The following PCDHA5 variants were observed in gnomAD, a reference collection of about 807,000 sequenced individuals.
The protein encoded by PCDHA5 is protocadherin alpha-5.
Under a neutral mutation model 61.6 loss-of-function variants are expected in PCDHA5, and 43 were observed. The ratio of observed to expected loss-of-function variants is 0.70; its 90% confidence interval spans 0.55 to 0.90. The LOEUF (loss-of-function observed/expected upper bound fraction) is 0.90. PCDHA5 is among the 40% of genes least tolerant of loss of function. PCDHA5 has a pLI of 0.00. For missense variants in PCDHA5, 1,298 were observed against 1,222.7 expected, an observed-to-expected ratio of 1.06 and a Z score of -0.92; for synonymous variants, 627 against 543.9, an observed-to-expected ratio of 1.15 and a Z score of -2.13.
At chr5:140,959,883 C>T (rs535578218) in intron 1 of PCDHA5, among the ~76,000 whole-genome samples, 4 of 152,222 alleles carry the variant, frequency 2.6e-5, no homozygotes, top group South Asian at 2.1e-4. Flanking sequence ...AAGGAATACA[C>T]GAGTGGGATT....
chr5:140,857,737 G>C (rs782448076), intron 1 of PCDHA5: 4 of 1,597,412 alleles, frequency 2.5e-6, no homozygotes, highest in Middle Eastern at 1.8e-4. Context: ...ACGCTCCCGC[G>C]CTGCTGGCGT....
At chr5:140,870,073 A>T in intron 1 of PCDHA5, 1 of 1,613,872 alleles carries the variant, frequency 6.2e-7, no homozygotes, top group Non-Finnish European at 8.5e-7. Context: ...GGCTACAGAT[A>T]AGGGGACTCC....
In PCDHA5 at chr5:140,834,331, T is replaced by C. The variant is rs2150215321; in HGVS notation, c.2352+10204T>C. ...TGAAATGAAGGGATAAAAACATTCC[T>C]ATAAATTCGAAGGCAAGTTTTGCTG... On this transcript the variant is annotated intron_variant, in intron 1 of 3. Coordinates refer to ENST00000529859, the MANE Select transcript of PCDHA5 (RefSeq NM_018908.3). 119 of 1,480,242 alleles carry C rather than the reference T, an allele frequency of 8.0e-5. No individual in the cohort carries two copies. In the African/African-American group the frequency reaches 9.8e-4, roughly 12 times the overall value. The allele number at this position is 1,480,242 out of a possible 1,614,324, so 91.7% of individuals were successfully genotyped here. A position where few individuals can be genotyped will look rare whatever the true frequency, so the allele number is the denominator to read the frequency against.
chr5:141,000,314 A>T (rs2097900305), intron 3 of PCDHA5, among the ~76,000 whole-genome samples: 1 of 145,492 alleles, frequency 6.9e-6, no homozygotes, highest in East Asian at 2.0e-4. Context: ...GTTCAAGACC[A>T]GCTTGGGCAA....
intron 1 of PCDHA5, among the ~76,000 whole-genome samples, chr5:140,841,023 C>T (rs1331109795): frequency 6.6e-6 from 1 of 152,000 alleles, no homozygotes; most frequent in Admixed American, 6.6e-5. Flanking sequence ...ATGAATGCCT[C>T]TGCAATTGAT....
chr5:140,848,732 G>T lies in PCDHA5; in HGVS notation c.2352+24605G>T, dbSNP rs1554142393. 5.7e-6 allele frequency: 9 copies of T among 1,592,756 alleles called. 1 individual carries two copies. The highest frequency in any genetic ancestry group is 7.7e-6 in the Non-Finnish European group (9 of 1,163,596). ...GCGGGGACCTTCTGGAGGTAAATCT[G>T]CAGAATGGCATTTTGTTTGTGAATT... On this transcript the variant is annotated intron_variant, in intron 1 of 3. Transcript: ENST00000529859.
At chr5:140,870,630 G>A (rs2052239024) in intron 1 of PCDHA5, 15 of 1,613,008 alleles carry the variant, frequency 9.3e-6, no homozygotes, top group Non-Finnish European at 1.3e-5. Context: ...ACGTGTCGGT[G>A]CACGCGGAGA....
chr5:140,877,704 C>G, intron 1 of PCDHA5: 2 of 1,613,952 alleles, frequency 1.2e-6, no homozygotes, highest in South Asian at 1.1e-5. Context: ...GCTCCAGCGC[C>G]GTGGGGAGTT....
At position 140,968,542 on chromosome 5, in the gene PCDHA5, G is replaced by A. The variant is rs782474856; in HGVS notation, c.2353-10407G>A. On this transcript the variant is annotated intron_variant, in intron 1 of 3. Transcript: ENST00000529859. ...CAACCAACTCGTCAGCAGCCTTCGA[G>A]ATGGTGCCTCGAACTGCCCCTGCTG... is the stretch of plus-strand genomic sequence containing the variant. The A allele has an allele frequency of 1.1e-5, 18 of 1,614,204 alleles. 2 individuals are homozygous for A. In the South Asian group the frequency reaches 2.0e-4, roughly 18 times the overall value.
rs782766953 is a variant in PCDHA5 at position 140,875,544 on chromosome 5, G to C, written c.2352+51417G>C. On this transcript the variant is annotated intron_variant, in intron 1 of 3. Coordinates refer to ENST00000529859, the MANE Select transcript of PCDHA5 (RefSeq NM_018908.3). ...TCTCGCTTCTGCTCCTTGCAGCCTG[G>C]GAGGTGGGGAGCGGCCAGCTCCACT... 9.0e-5 allele frequency: 146 copies of C among 1,614,052 alleles called. No homozygotes were observed. The East Asian group carries it at 3.2e-3, about 36-fold the overall frequency.
intron 1 of PCDHA5, chr5:140,967,505 G>C (rs782818141): frequency 2.4e-5 from 39 of 1,612,940 alleles, no homozygotes; most frequent in Non-Finnish European, 3.2e-5. Context: ...CTCTGTGCGT[G>C]TCCTGGACAC....
At chr5:140,945,628 A>G (rs898111170) in intron 1 of PCDHA5, among the ~76,000 whole-genome samples, 1 of 152,168 alleles carries the variant, frequency 6.6e-6, no homozygotes, top group Non-Finnish European at 1.5e-5. Flanking sequence ...TACTGGCATA[A>G]AAGACATGTA....
chr5:140,828,591 T>G, intron 1 of PCDHA5: 1 of 1,614,220 alleles, frequency 6.2e-7, no homozygotes, highest in Non-Finnish European at 8.5e-7. Flanking sequence ...TCAAATTCCA[T>G]CTTAACCTAT....
chr5:140,944,209 A>T (rs1003348568), intron 1 of PCDHA5, among the ~76,000 whole-genome samples: 5 of 152,298 alleles, frequency 3.3e-5, no homozygotes, highest in Non-Finnish European at 5.9e-5. Flanking sequence ...TTGTTTTTAA[A>T]GAGGGTTTTA....
At chr5:140,884,456 G>T in intron 1 of PCDHA5, 2 of 1,613,768 alleles carry the variant, frequency 1.2e-6, no homozygotes, top group Non-Finnish European at 1.7e-6. Context: ...GCCCACCGAG[G>T]GCGCGTGCGC....
At chr5:140,971,366 G>A (rs1554233245) in intron 1 of PCDHA5, among the ~76,000 whole-genome samples, 1 of 152,186 alleles carries the variant, frequency 6.6e-6, no homozygotes, top group Non-Finnish European at 1.5e-5. Flanking sequence ...TTTGCCAGGA[G>A]AGTGCATGAC....
chr5:140,871,184 A>T, intron 1 of PCDHA5: 1 of 1,613,552 alleles, frequency 6.2e-7, no homozygotes, highest in Non-Finnish European at 8.5e-7. Flanking sequence ...GCGCTGGTGG[A>T]TGTCAACGTG....
intron 1 of PCDHA5, among the ~76,000 whole-genome samples, chr5:140,912,343 ATTT>A (rs35252606): frequency 2.8e-5 from 4 of 143,838 alleles, no homozygotes; most frequent in African/African-American, 5.1e-5. Context: ...TACACTAAGT[ATTT>A]TTTTTTTTTT....
chr5:140,945,539 A>G (rs1233256432), intron 1 of PCDHA5, among the ~76,000 whole-genome samples: 1 of 152,052 alleles, frequency 6.6e-6, no homozygotes, highest in Non-Finnish European at 1.5e-5. Flanking sequence ...AAACATACAA[A>G]CAAAAAAATG....
Sources: allele counts gnomAD v4.1 joint callset (sites outside exome capture counted in the v4.1 genomes callset), GRCh38; gene constraint gnomAD v4.1.1; transcripts MANE v1.5; gene names NCBI Gene and HGNC (gene_info 2026-07-23, HGNC 2026-07-21).